NFATC2: variants seen among roughly 807,000 people sequenced by gnomAD.
NFATC2 encodes nuclear factor of activated T-cells, cytoplasmic 2.
Under a neutral mutation model 87.3 loss-of-function variants are expected in NFATC2, and 22 were observed. The ratio of observed to expected loss-of-function variants is 0.25; its 90% CI spans 0.18 to 0.36. The LOEUF is 0.36. Among genes scored for constraint, NFATC2 ranks in the 10% least tolerant of loss-of-function variants. The pLI is 1.00. For missense variants in NFATC2, 1,149 were observed against 1,259.1 expected, an observed-to-expected ratio of 0.91 and a Z score of 1.32; for synonymous variants, 565 against 542.2, an observed-to-expected ratio of 1.04 and a Z score of -0.58.
chr20:51,439,896 G>T (rs974572150), intron 6 of NFATC2, among the ~76,000 whole-genome samples: 12 of 152,158 alleles, frequency 7.9e-5, no homozygotes, highest in Admixed American at 5.2e-4. Flanking sequence ...ACCTTATGGG[G>T]TCGTTCTGAA....
At chr20:51,420,774 T>C (rs1980774320) in intron 9 of NFATC2, among the ~76,000 whole-genome samples, 1 of 152,204 alleles carries the variant, frequency 6.6e-6, no homozygotes, top group Admixed American at 6.5e-5. Context: ...ACACTAGGTA[T>C]TTCATGATAT....
chr20:51,445,203 G>T (rs932947533), intron 6 of NFATC2, among the ~76,000 whole-genome samples: 1 of 151,964 alleles, frequency 6.6e-6, no homozygotes, highest in Admixed American at 6.6e-5. Flanking sequence ...CCTGCCCCCC[G>T]CAGCACCTCT....
rs191126994 is a variant in NFATC2 at position 51,389,120 on chromosome 20, T to C, written c.*2376A>G. 1.3e-5 allele frequency: 2 copies of C among 152,198 alleles called. No homozygotes were observed. Among genetic ancestry groups the C allele is most frequent in the African/African-American group, 2.4e-5 (1 of 41,450 alleles). 9.4% of individuals were successfully genotyped at this position (152,198 alleles called of 1,614,324 possible). The stretch of plus-strand genomic sequence containing the variant: ...CTTCCTATAATATCCAGCTAAGATG[T>C]CTTAGAAAAACAGAGGGGTTTATTT... On this transcript the variant is annotated 3_prime_UTR_variant, in exon 11 of 11. Coordinates refer to ENST00000371564, the MANE Select transcript of NFATC2 (RefSeq NM_012340.5).
At chr20:51,405,557 G>GTGTT (rs939823966) in intron 9 of NFATC2, among the ~76,000 whole-genome samples, 1 of 152,184 alleles carries the variant, frequency 6.6e-6, no homozygotes, top group African/African-American at 2.4e-5. Context: ...TGTGGCCCTG[G>GTGTT]TGTTTTGGGA....
intron 6 of NFATC2, among the ~76,000 whole-genome samples, chr20:51,439,522 C>A (rs552341276): frequency 2.0e-5 from 3 of 152,226 alleles, no homozygotes; most frequent in Admixed American, 1.3e-4. Flanking sequence ...TTCCTCGGGA[C>A]GCCCCAAAGT....
chr20:51,398,584 T>A, intron 10 of NFATC2, 59 bp downstream of exon 10: 2 of 1,236,530 alleles, frequency 1.6e-6, no homozygotes, highest in South Asian at 1.4e-5. Flanking sequence ...AAAAAAAAAA[T>A]TCAAGTTAAG....
intron 9 of NFATC2, among the ~76,000 whole-genome samples, chr20:51,401,515 C>T (rs1406979360): frequency 1.3e-5 from 2 of 152,128 alleles, no homozygotes; most frequent in Non-Finnish European, 2.9e-5. Context: ...GAGGTAAGTC[C>T]ATTGATCCAC....
At position 51,540,569 on chromosome 20, in the gene NFATC2, A is replaced by T. The variant is rs373967128; in HGVS notation, c.130+1801T>A. On this transcript the variant is annotated intron_variant, in intron 1 of 10. Coordinates refer to ENST00000371564, the MANE Select transcript of NFATC2 (RefSeq NM_012340.5). ...TAAAACATTAATAACACGGGGAAACAGGGTATTGGGTATATGGGAACTCTC... is the reference window on the plus strand; with the variant it reads ...TAAAACATTAATAACACGGGGAAACTGGGTATTGGGTATATGGGAACTCTC... 5.3e-5 allele frequency among the ~76,000 whole-genome samples: 8 copies of T among 151,510 alleles called. 1 individual carries two copies. The highest frequency in any genetic ancestry group is 1.9e-4 in the East Asian group (1 of 5,168).
At chr20:51,477,052 G>GGA (rs1197856474) in intron 3 of NFATC2, among the ~76,000 whole-genome samples, 1 of 152,072 alleles carries the variant, frequency 6.6e-6, no homozygotes, top group Non-Finnish European at 1.5e-5. Flanking sequence ...TACGCAGCCT[G>GGA]GAGAAACACT....
intron 5 of NFATC2, among the ~76,000 whole-genome samples, chr20:51,467,302 A>T (rs1305423520): frequency 1.3e-5 from 2 of 152,200 alleles, no homozygotes; most frequent in East Asian, 3.9e-4. Context: ...CACGCCCGTA[A>T]TCCCAACAGT....
intron 3 of NFATC2, among the ~76,000 whole-genome samples, chr20:51,502,629 C>A (rs1193372090): frequency 6.6e-6 from 1 of 152,100 alleles, no homozygotes; most frequent in Admixed American, 6.5e-5. Flanking sequence ...AGCCACCATG[C>A]CTGGCCCTGC....
chr20:51,465,130 G>A (rs566146374), intron 5 of NFATC2, among the ~76,000 whole-genome samples: 1 of 152,302 alleles, frequency 6.6e-6, no homozygotes, highest in South Asian at 2.1e-4. Flanking sequence ...GCTCAGGCCT[G>A]TAATCCCAGC....
intron 9 of NFATC2, among the ~76,000 whole-genome samples, chr20:51,431,478 C>T (rs1568965692): frequency 6.6e-6 from 1 of 152,308 alleles, no homozygotes; most frequent in African/African-American, 2.4e-5. Flanking sequence ...CAGCTGGGCT[C>T]ACCACAGCGG....
intron 1 of NFATC2, among the ~76,000 whole-genome samples, chr20:51,535,418 TC>T (rs1296943508): frequency 6.6e-6 from 1 of 152,222 alleles, no homozygotes; most frequent in Admixed American, 6.5e-5. Flanking sequence ...AGTGGAAACT[TC>T]CCCCTTGAAG....
intron 9 of NFATC2, among the ~76,000 whole-genome samples, chr20:51,424,770 T>A (rs1262934600): frequency 1.3e-5 from 2 of 152,070 alleles, no homozygotes; most frequent in Non-Finnish European, 2.9e-5. Flanking sequence ...ATGGGGGACC[T>A]GTGTGTACGT....
chr20:51,485,520 T>A (rs974509238), intron 3 of NFATC2, among the ~76,000 whole-genome samples: 1 of 136,312 alleles, frequency 7.3e-6, no homozygotes, highest in African/African-American at 2.5e-5. Context: ...GAAGTTGGGC[T>A]TTTTCTTGTT....
Position 51,470,436 on chromosome 20 carries a change from C to T in NFATC2, c.1708+3544G>A, listed in dbSNP as rs559129318. 2.6e-5 allele frequency among the ~76,000 whole-genome samples: 4 copies of T among 152,212 alleles called. No individual in the cohort carries two copies. The East Asian group carries it at 7.7e-4, about 29-fold the overall frequency. On this transcript the variant is annotated intron_variant, in intron 5 of 10. Coordinates refer to ENST00000371564, the MANE Select transcript of NFATC2 (RefSeq NM_012340.5). ...TGGCATGCAAATAAACATAAGGCAC[C>T]TGCACTCCTAGGAAATCACTCCACC...
chr20:51,432,116 C>T lies in NFATC2; in HGVS notation c.2673G>A (p.Gly891=). 1 of 1,565,360 alleles carries T rather than the reference C, an allele frequency of 6.4e-7. No individual in the cohort carries two copies. The highest frequency in any genetic ancestry group is 8.7e-7 in the Non-Finnish European group (1 of 1,152,402). Residue 891 remains glycine, a synonymous_variant, in exon 9 of 11, where the codon GGG becomes GGA. Transcript: ENST00000371564. This position sits in a 1 kb window ranked among gnomAD's most constrained non-coding sequence, Gnocchi z 4.6. The part of the protein sequence containing the change: ...VSDQKEVLPA[G]VTIKQEQNLD... ...AGTTCTGCTCCTGTTTAATGGTCAC[C>T]CCCGCAGGTAATACTTCCTTTTGGT...
chr20:51,562,839 C>T (rs1032969497), upstream of NFATC2: 5 of 515,316 alleles, frequency 9.7e-6, no homozygotes, highest in African/African-American at 8.0e-5. The surrounding 1 kb of genome is among the most constrained non-coding windows in gnomAD (Gnocchi z 5.8). Flanking sequence ...AGAGGCAACG[C>T]GACTTCCTTC....
Sources: gnomAD v4.1 joint callset for allele counts (sites outside exome capture counted in the v4.1 genomes callset) on GRCh38, gnomAD v4.1.1 for gene constraint, Gnocchi (gnomAD v3.1) non-coding constraint, MANE v1.5 for transcripts, NCBI Gene and HGNC (gene_info 2026-07-23, HGNC 2026-07-21) for gene names.